TPST2: variants seen among roughly 807,000 people sequenced by gnomAD.
The protein encoded by TPST2 is tyrosylprotein sulfotransferase 2.
TPST2 carries 16 observed loss-of-function variants against 27.8 expected under a neutral mutation model. The ratio of observed to expected loss-of-function variants is 0.58; its 90% CI spans 0.39 to 0.88. The LOEUF is 0.88. Ranked by LOEUF, TPST2 falls within the 40% of genes least tolerant of loss-of-function variation. TPST2 has a pLI of 0.00. For missense variants in TPST2, 464 were observed against 543.1 expected (o/e 0.85, Z 1.45); for synonymous variants, 229 against 231.7 (o/e 0.99, Z 0.10).
rs755633467 is a variant in TPST2, at chr22:26,540,965, G to A, written c.666C>T (p.Tyr222=). 3.7e-5 allele frequency: 60 copies of A among 1,614,078 alleles called. No homozygotes were observed. In the South Asian group the frequency reaches 4.2e-4, roughly 11 times the overall value. ...TKWNKAIEVM[Y]AQCMEVGKEK... is the part of the protein sequence containing the mutation. ...CCTTGCCTACCTCCATGCACTGGGC[G>A]TACATCACCTCGATGGCCTTGTTCC... The change falls in exon 3 of 7, where the codon TAC becomes TAT. Residue 222 remains tyrosine (Y), a synonymous_variant. Coordinates refer to ENST00000338754, the MANE Select transcript of TPST2 (RefSeq NM_003595.5).
chr22:26,540,770 C>T lies in TPST2; in HGVS notation c.842+19G>A. ...TCCAGGGCCAGAGTCTGAGTGGAAG[C>T]ATCAGGGGCTCCACTCACTTGGACA... is the stretch of plus-strand genomic sequence containing the variant. On this transcript the variant is annotated intron_variant, in intron 3 of 6. Transcript: ENST00000338754. The T allele has an allele frequency of 6.4e-7, 1 of 1,552,766 alleles. No homozygotes were observed. Among genetic ancestry groups the T allele is most frequent in the Non-Finnish European group, 8.7e-7 (1 of 1,147,580 alleles).
chr22:26,528,285 A>T (rs752552783), intron 5 of TPST2, 23 bp from the exon 6 acceptor site: 1 of 1,557,820 alleles, frequency 6.4e-7, no homozygotes, highest in South Asian at 1.2e-5. Context: ...AATACACAGA[A>T]GAAGGGGTCA....
intron 1 of TPST2, among the ~76,000 whole-genome samples, chr22:26,549,757 G>A (rs1025185014): frequency 5.3e-5 from 8 of 150,192 alleles, no homozygotes; most frequent in African/African-American, 2.0e-4. Flanking sequence ...TTCAGCAGGT[G>A]TGGTGACTCA....
chr22:26,581,714 G>C (rs1380968661), intron 1 of TPST2, among the ~76,000 whole-genome samples: 3 of 152,172 alleles, frequency 2.0e-5, no homozygotes, highest in Admixed American at 2.0e-4. Flanking sequence ...TAAGTACCCA[G>C]AAAGCACCCA....
intron 1 of TPST2, among the ~76,000 whole-genome samples, chr22:26,554,370 C>G (rs1043393733): frequency 2.0e-5 from 3 of 152,180 alleles, no homozygotes; most frequent in Admixed American, 1.3e-4. Context: ...GGGCCCCTGC[C>G]TGGTAAACAA....
At chr22:26,551,766 G>A (rs1926482841) in intron 1 of TPST2, among the ~76,000 whole-genome samples, 1 of 151,868 alleles carries the variant, frequency 6.6e-6, no homozygotes, top group Non-Finnish European at 1.5e-5. Context: ...TCTCATCTGA[G>A]AAATGGGAAT....
At chr22:26,544,706 G>A in intron 1 of TPST2, 31 bp from the exon 2 acceptor site, 1 of 983,986 alleles carries the variant, frequency 1.0e-6, no homozygotes, top group South Asian at 4.7e-5. Flanking sequence ...TTGCATCAGG[G>A]ATGGGCACTG....
At chr22:26,562,129 G>C (rs557149721) in intron 1 of TPST2, among the ~76,000 whole-genome samples, 1 of 152,378 alleles carries the variant, frequency 6.6e-6, no homozygotes, top group Admixed American at 6.5e-5. Context: ...CAGCGGCCCG[G>C]CGGGGGCCAC....
At chr22:26,540,445 A>G (rs890365041) in intron 3 of TPST2, among the ~76,000 whole-genome samples, 1 of 152,160 alleles carries the variant, frequency 6.6e-6, no homozygotes, top group African/African-American at 2.4e-5. Flanking sequence ...CCAAAAATAC[A>G]AAAATTAGCC....
At chr22:26,527,473 C>T (rs1569174848) in intron 6 of TPST2, among the ~76,000 whole-genome samples, 2 of 152,192 alleles carry the variant, frequency 1.3e-5, no homozygotes, top group African/African-American at 2.4e-5. Flanking sequence ...ATGAAGAAAA[C>T]AGGGGCTGAA....
chr22:26,569,985 GAAAGAAAA>G, intron 1 of TPST2, among the ~76,000 whole-genome samples: 1 of 24,936 alleles, frequency 4.0e-5, no homozygotes, highest in South Asian at 1.6e-3. Context: ...AGAAAGAAAA[GAAAGAAAA>G]AGAAAGAAAG....
chr22:26,552,919 G>A (rs964405097), intron 1 of TPST2, among the ~76,000 whole-genome samples: 51 of 151,944 alleles, frequency 3.4e-4, no homozygotes, highest in Non-Finnish European at 7.4e-5. Flanking sequence ...AATTAGCCGC[G>A]CATGGTGGCG....
At chr22:26,585,373 C>T (rs186613687) in intron 1 of TPST2, among the ~76,000 whole-genome samples, 2 of 152,284 alleles carry the variant, frequency 1.3e-5, no homozygotes, top group South Asian at 4.1e-4. Context: ...TCCTTCCCTG[C>T]AATTTCTGGG....
chr22:26,569,981 AAAAGAAAGAAAAAG>A (rs1390172260), intron 1 of TPST2, among the ~76,000 whole-genome samples: 7,512 of 79,452 alleles, frequency 0.095, 575 homozygotes, highest in African/African-American at 0.12. Context: ...AGAAAGAAAG[AAAAGAAAGAAAAAG>A]AAAGAAAGAA....
rs147098483 is a variant in TPST2, at chr22:26,562,770, T to C, written c.-160-18095A>G. Reference sequence around the variant, plus strand: ...TCCTAAGTAGCTGGGATTACAGACATGTGCCATCATGTCCAGCTAATTTTG... The same window carrying C: ...TCCTAAGTAGCTGGGATTACAGACACGTGCCATCATGTCCAGCTAATTTTG... On this transcript the variant is annotated intron_variant, in intron 1 of 6. Coordinates refer to ENST00000338754, the MANE Select transcript of TPST2 (RefSeq NM_003595.5). Among the ~76,000 whole-genome samples, 27 of 152,162 alleles carry C rather than the reference T, an allele frequency of 1.8e-4. No individual in the cohort carries two copies. In the South Asian group the frequency reaches 4.4e-3, roughly 25 times the overall value.
At chr22:26,562,840 C>T (rs1927182845) in intron 1 of TPST2, among the ~76,000 whole-genome samples, 1 of 152,150 alleles carries the variant, frequency 6.6e-6, no homozygotes, top group African/African-American at 2.4e-5. Context: ...TCAGGCTGGT[C>T]TCAAACTCTC....
rs1924658065 is a variant in TPST2 at position 26,523,415 on chromosome 22, T to C, written c.*2860A>G. On this transcript the variant is annotated 3_prime_UTR_variant, in exon 7 of 7. Coordinates refer to ENST00000338754, the MANE Select transcript of TPST2 (RefSeq NM_003595.5). Reference sequence around the variant, plus strand: ...CTTGCCTTCTTACTATCAATTCTGATTGTCCCATGTTTTATAATATATTCA... The same window carrying C: ...CTTGCCTTCTTACTATCAATTCTGACTGTCCCATGTTTTATAATATATTCA... The C allele has an allele frequency of 6.6e-6, 1 of 152,204 alleles. No homozygotes were observed. Among genetic ancestry groups the C allele is most frequent in the African/African-American group, 2.4e-5 (1 of 41,468 alleles). The allele number at this position is 152,204 out of a possible 1,614,324, so 9.4% of individuals were successfully genotyped here.
chr22:26,541,443 C>A lies in TPST2; in HGVS notation c.188G>T (p.Arg63Leu). ...VMVGTNHVEY[R>L]YGKAMPLIFV... ...GATGAGCGGCATGGCCTTGCCATAGCGGTATTCCACGTGGTTGGTGCCCAC... is the reference window on the plus strand; with the variant it reads ...GATGAGCGGCATGGCCTTGCCATAGAGGTATTCCACGTGGTTGGTGCCCAC... Residue 63 changes from arginine to leucine, a missense_variant, in exon 3 of 7, where the codon CGC becomes CTC. Arg to Leu is a moderately radical substitution (Grantham distance 102). Transcript: ENST00000338754. The surrounding 1 kb of genome is among the most constrained non-coding windows in gnomAD (Gnocchi z 5.9). 6.2e-7 allele frequency: 1 copy of A among 1,601,286 alleles called. No individual in the cohort carries two copies. Among genetic ancestry groups the A allele is most frequent in the Non-Finnish European group, 8.5e-7 (1 of 1,173,918 alleles).
In TPST2 at chr22:26,562,927, G is replaced by A. The variant is rs117552054; in HGVS notation, c.-160-18252C>T. Among the ~76,000 whole-genome samples the A allele has an allele frequency of 6.4e-4, 97 of 152,098 alleles. 2 individuals are homozygous for A. The East Asian group carries it at 0.016, about 25-fold the overall frequency. ...CGATTTTGCCATTCAGGGAACCATC[G>A]GTAATGTCCAGAGATAGTTTTGGTG... On this transcript the variant is annotated intron_variant, in intron 1 of 6. Transcript: ENST00000338754.
Sources: gnomAD v4.1 joint callset for allele counts (sites outside exome capture counted in the v4.1 genomes callset) on GRCh38, gnomAD v4.1.1 for gene constraint, Gnocchi (gnomAD v3.1) non-coding constraint, MANE v1.5 for transcripts, NCBI Gene and HGNC (gene_info 2026-07-23, HGNC 2026-07-21) for gene names.